The following SBF2 variants were observed in gnomAD, a reference collection of about 807,000 sequenced individuals.
SBF2 encodes the protein myotubularin-related protein 13.
In SBF2, 112 loss-of-function variants were observed where a neutral mutation model predicts 225.2. The observed-to-expected ratio is 0.50, with a 90% confidence interval of 0.43 to 0.58. The LOEUF (loss-of-function observed/expected upper bound fraction) is 0.58. Among genes scored for constraint, SBF2 ranks in the 20% least tolerant of loss-of-function variants. The pLI is 0.00. For missense variants in SBF2, 1,996 were observed against 2,206.2 expected (o/e 0.90, Z 1.91); for synonymous variants, 763 against 773.3 (o/e 0.99, Z 0.22).
chr11:10,090,949 T>C (rs1012888701), intron 2 of SBF2, among the ~76,000 whole-genome samples: 3 of 152,042 alleles, frequency 2.0e-5, no homozygotes, highest in African/African-American at 7.2e-5. Context: ...AAACGTAACT[T>C]ATAATATTGC....
At chr11:10,231,056 C>G (rs1958819960) in intron 1 of SBF2, among the ~76,000 whole-genome samples, 1 of 152,136 alleles carries the variant, frequency 6.6e-6, no homozygotes, top group African/African-American at 2.4e-5. Flanking sequence ...TCATTTCATT[C>G]ATTTCATCTT....
At chr11:10,013,580 T>C (rs1262701699) in intron 6 of SBF2, among the ~76,000 whole-genome samples, 1 of 152,268 alleles carries the variant, frequency 6.6e-6, no homozygotes, top group Non-Finnish European at 1.5e-5. Flanking sequence ...AAACTCTTTG[T>C]ACTGTCTTTG....
chr11:10,084,095 T>C (rs1951464181), intron 2 of SBF2, among the ~76,000 whole-genome samples: 3 of 152,192 alleles, frequency 2.0e-5, no homozygotes. Flanking sequence ...GTTTGCAAAG[T>C]ATCTATCCAA....
At chr11:10,223,575 C>CT (rs1387688722) in intron 1 of SBF2, among the ~76,000 whole-genome samples, 1 of 151,506 alleles carries the variant, frequency 6.6e-6, no homozygotes, top group Non-Finnish European at 1.5e-5. Flanking sequence ...AAATGAATCT[C>CT]TGTCTGAAAT....
At chr11:9,990,533 A>G (rs1162096295) in intron 12 of SBF2, among the ~76,000 whole-genome samples, 7 of 152,142 alleles carry the variant, frequency 4.6e-5, no homozygotes, top group Non-Finnish European at 8.8e-5. Context: ...GTAGAATGAG[A>G]AATTATTTAG....
chr11:9,890,417 A>C (rs7108583), intron 17 of SBF2, among the ~76,000 whole-genome samples: 128,542 of 152,146 alleles, frequency 0.84, 54,630 homozygotes, highest in African/African-American at 0.87. Flanking sequence ...TAAATTTTTA[A>C]ATGTTGAATG....
At chr11:10,221,233 T>TCAGCC (rs1958329130) in intron 1 of SBF2, among the ~76,000 whole-genome samples, 1 of 151,992 alleles carries the variant, frequency 6.6e-6, no homozygotes, top group South Asian at 2.1e-4. Context: ...TTCTCCTGTC[T>TCAGCC]CAGCCTCCCA....
intron 1 of SBF2, among the ~76,000 whole-genome samples, chr11:10,210,619 C>T (rs370419474): frequency 3.9e-5 from 6 of 152,068 alleles, no homozygotes; most frequent in African/African-American, 1.4e-4. Flanking sequence ...CTGACAGGTG[C>T]CAACACATCA....
At chr11:9,846,019 G>A (rs889097522) in intron 23 of SBF2, among the ~76,000 whole-genome samples, 2 of 152,120 alleles carry the variant, frequency 1.3e-5, no homozygotes, top group South Asian at 2.1e-4. Flanking sequence ...TAGCAAACAC[G>A]CCCTTCTCAT....
At chr11:10,122,287 T>C (rs963168198) in intron 2 of SBF2, among the ~76,000 whole-genome samples, 2 of 152,198 alleles carry the variant, frequency 1.3e-5, no homozygotes, top group Non-Finnish European at 2.9e-5. Flanking sequence ...AAAAAGGCAT[T>C]AAATTTGTGG....
intron 2 of SBF2, among the ~76,000 whole-genome samples, chr11:10,132,242 T>A (rs1954093862): frequency 6.6e-6 from 1 of 152,140 alleles, no homozygotes. Context: ...AAACCAAATA[T>A]ATATATTTGG....
At chr11:9,843,585 T>G (rs1006287795) in intron 24 of SBF2, among the ~76,000 whole-genome samples, 1 of 152,224 alleles carries the variant, frequency 6.6e-6, no homozygotes, top group Admixed American at 6.5e-5. Context: ...TATATTCTTC[T>G]CTATCACAAA....
intron 16 of SBF2, among the ~76,000 whole-genome samples, chr11:9,954,373 A>C (rs1004020424): frequency 2.0e-5 from 3 of 152,244 alleles, no homozygotes; most frequent in Non-Finnish European, 4.4e-5. Context: ...AAAAATGTTC[A>C]GAATGTCATG....
intron 13 of SBF2, among the ~76,000 whole-genome samples, chr11:9,984,991 A>G (rs1057078827): frequency 6.6e-6 from 1 of 152,240 alleles, no homozygotes; most frequent in Non-Finnish European, 1.5e-5. Flanking sequence ...TAAAGCATAA[A>G]TCACACGGGA....
intron 2 of SBF2, among the ~76,000 whole-genome samples, chr11:10,129,105 T>A (rs1029595406): frequency 3.6e-4 from 51 of 141,760 alleles, no homozygotes; most frequent in African/African-American, 1.3e-3. Context: ...TCTCTCTTTT[T>A]TTTTTTTTTT....
chr11:9,785,363 A>G (rs763304730), intron 36 of SBF2, 45 bp from the exon 37 acceptor site: 8 of 1,339,428 alleles, frequency 6.0e-6, no homozygotes, highest in Admixed American at 1.9e-5. Context: ...ACAGACACTT[A>G]AACTACTGAC....
chr11:10,052,542 G>C (rs1950099629), intron 2 of SBF2, among the ~76,000 whole-genome samples: 1 of 152,138 alleles, frequency 6.6e-6, no homozygotes, highest in East Asian at 1.9e-4. Flanking sequence ...TTGCAAGGCT[G>C]GAATTGTTAG....
At chr11:10,121,976 T>C (rs1953474765) in intron 2 of SBF2, among the ~76,000 whole-genome samples, 1 of 152,196 alleles carries the variant, frequency 6.6e-6, no homozygotes, top group Non-Finnish European at 1.5e-5. Context: ...AGGGTTTGTG[T>C]TCAAGTAACC....
At chr11:10,007,084 G>C (rs1446980401) in intron 6 of SBF2, among the ~76,000 whole-genome samples, 1 of 152,132 alleles carries the variant, frequency 6.6e-6, no homozygotes, top group African/African-American at 2.4e-5. Flanking sequence ...GGTAAGACCA[G>C]TTCATTCTGG....
Sources: allele counts gnomAD v4.1 joint callset (sites outside exome capture counted in the v4.1 genomes callset), GRCh38; gene constraint gnomAD v4.1.1; transcripts MANE v1.5; gene names NCBI Gene and HGNC (gene_info 2026-07-23, HGNC 2026-07-21).